The following NAF1 variants were observed in gnomAD, a reference collection of about 807,000 sequenced individuals.
NAF1 encodes the protein H/ACA ribonucleoprotein complex non-core subunit NAF1.
In NAF1, 11 loss-of-function variants were observed where a neutral mutation model predicts 40.6. That is an observed-to-expected ratio of 0.27 (90% CI 0.17 to 0.45). The LOEUF is 0.45. Among genes scored for constraint, NAF1 ranks in the 20% least tolerant of loss-of-function variants. NAF1 has a pLI of 1.00. For synonymous variants in NAF1, 260 were observed against 228.5 expected (o/e 1.14, Z -1.24); for missense variants, 607 against 611.1 (o/e 0.99, Z 0.07).
downstream of NAF1, among the ~76,000 whole-genome samples, chr4:163,127,655 T>A (rs1730704952): frequency 1.3e-5 from 2 of 152,132 alleles, no homozygotes; most frequent in Non-Finnish European, 2.9e-5. Flanking sequence ...TTAAAAATAA[T>A]GAAGAAAGTA....
At chr4:163,108,327 A>G (rs1730082438), downstream of NAF1, among the ~76,000 whole-genome samples, 2 of 152,236 alleles carry the variant, frequency 1.3e-5, no homozygotes, top group Non-Finnish European at 2.9e-5. Flanking sequence ...AGATCATGGC[A>G]TATGGTACAT....
At position 163,140,305 on chromosome 4, in the gene NAF1, C is replaced by T. The variant is rs1180162215; in HGVS notation, c.796G>A (p.Gly266Ser). 6.2e-7 allele frequency: 1 copy of T among 1,608,400 alleles called. No homozygotes were observed. Among genetic ancestry groups the T allele is most frequent in the African/African-American group, 1.3e-5 (1 of 74,640 alleles). Residue 266 changes from glycine to serine, a missense_variant, in exon 5 of 8, where the codon GGT becomes AGT. Coordinates refer to ENST00000274054, the MANE Select transcript of NAF1 (RefSeq NM_138386.3). ...TACATAGTCTCCTTTATTTTAATAC[C>T]TTTACTCTCAATGTGATCTGAAGAA... Reference protein sequence around the residue: ...FNSSDHIESKGIKIKETMYFA... With the variant: ...FNSSDHIESKSIKIKETMYFA...
chr4:163,109,378 A>T (rs943762402), downstream of NAF1, among the ~76,000 whole-genome samples: 1 of 152,124 alleles, frequency 6.6e-6, no homozygotes, highest in African/African-American at 2.4e-5. Flanking sequence ...TCATGATTAA[A>T]AACTAATATT....
intron 2 of NAF1, among the ~76,000 whole-genome samples, chr4:163,162,625 G>C (rs1205681857): frequency 6.6e-6 from 1 of 152,174 alleles, no homozygotes; most frequent in African/African-American, 2.4e-5. Context: ...TTTACTGTCT[G>C]TGTCTCTCCA....
chr4:163,166,466 C>T lies in NAF1; in HGVS notation c.262G>A (p.Glu88Lys), dbSNP rs759627286. The T allele has an allele frequency of 6.2e-7, 1 of 1,603,858 alleles. No homozygotes were observed. Among genetic ancestry groups the T allele is most frequent in the East Asian group, 2.2e-5 (1 of 44,612 alleles). ...ACGCAGTCTCCGCAGGCCGGCGATT[C>T]AGCCGGTGGCTGTGGCTGCGGCGCC... is the stretch of plus-strand genomic sequence containing the variant. ...TPAPQPQPPA[E>K]SPACGDCVTS... The change falls in exon 1 of 8, where the codon GAA (glutamate) becomes AAA (lysine). Residue 88 changes from glutamate to lysine, a missense_variant. Glu to Lys is a moderately conservative substitution (Grantham distance 56). Coordinates refer to ENST00000274054, the MANE Select transcript of NAF1 (RefSeq NM_138386.3).
intron 2 of NAF1, among the ~76,000 whole-genome samples, chr4:163,163,940 T>C (rs1383828201): frequency 6.6e-6 from 1 of 152,158 alleles, no homozygotes. Context: ...AGAAATATCT[T>C]CTTCTAGGGA....
chr4:163,138,043 T>A (rs144475770), intron 5 of NAF1, among the ~76,000 whole-genome samples: 1 of 152,270 alleles, frequency 6.6e-6, no homozygotes, highest in East Asian at 1.9e-4. Context: ...ATTTTGTTAT[T>A]CCATTATGTT....
chr4:163,138,457 TAAAGG>T (rs1220891866), intron 5 of NAF1, among the ~76,000 whole-genome samples: 3 of 151,946 alleles, frequency 2.0e-5, no homozygotes, highest in African/African-American at 7.2e-5. Context: ...CAAAATCTAC[TAAAGG>T]AAAGATCAAG....
chr4:163,116,077 C>T (rs530654679), intron 2 of NAF1, among the ~76,000 whole-genome samples: 1 of 152,244 alleles, frequency 6.6e-6, no homozygotes, highest in East Asian at 1.9e-4. Flanking sequence ...TAAGTTCTTG[C>T]TAAACTTATT....
In NAF1 at chr4:163,148,403, A is replaced by G. The variant is rs1439516431; in HGVS notation, c.572T>C (p.Ile191Thr). 1 of 1,586,266 alleles carries G rather than the reference A, an allele frequency of 6.3e-7. No homozygotes were observed. ...CTTTAACTCAATATCTTCAGGCAGA[A>G]TAATAGTGAGTTCTTCAACAGAAGG... is the stretch of plus-strand genomic sequence containing the variant. ...ELPSVEELTI[I>T]LPEDIELKPL... Residue 191 changes from isoleucine (I) to threonine (T), a missense_variant, in exon 3 of 8, where the codon ATT becomes ACT. By Grantham distance (89) the Ile-to-Thr change is moderately conservative. This residue lies in a region of NAF1 where 407 missense variants were observed against 365.5 expected (regional missense o/e 1.11). Coordinates refer to ENST00000274054, the MANE Select transcript of NAF1 (RefSeq NM_138386.3).
intron 2 of NAF1, chr4:163,119,779 A>C (rs1730462735): frequency 6.6e-6 from 1 of 152,222 alleles, no homozygotes; most frequent in Non-Finnish European, 1.5e-5. Flanking sequence ...TATGGAAAGT[A>C]ATATATTCCA....
At chr4:163,113,037 G>C (rs1359764383) in intron 2 of NAF1, among the ~76,000 whole-genome samples, 1 of 151,062 alleles carries the variant, frequency 6.6e-6, no homozygotes, top group Non-Finnish European at 1.5e-5. Context: ...GAGACAAGAA[G>C]AAAAATTGAG....
At chr4:163,146,259 T>C (rs1731465938) in intron 3 of NAF1, among the ~76,000 whole-genome samples, 1 of 152,218 alleles carries the variant, frequency 6.6e-6, no homozygotes, top group South Asian at 2.1e-4. Flanking sequence ...TTAAAAATTC[T>C]TTTCTACAAA....
chr4:163,105,660 T>C (rs151251980), downstream of NAF1, among the ~76,000 whole-genome samples: 1 of 152,198 alleles, frequency 6.6e-6, no homozygotes, highest in Non-Finnish European at 1.5e-5. Flanking sequence ...ATAAGCAAAA[T>C]TTCATCCCTA....
In NAF1 at chr4:163,166,583, C is replaced by T. The variant is rs779345351; in HGVS notation, c.145G>A (p.Gly49Arg). ...ACGGTCTGCCCAGCGTCCGGGGACC[C>T]CTCAAACGACTGTAGCGGCGGCTGT... Reference protein sequence around the residue: ...GTQPPLQSFEGSPDAGQTVEV... With the variant: ...GTQPPLQSFERSPDAGQTVEV... The change falls in exon 1 of 8, where the codon GGG (glycine) becomes AGG (arginine). Residue 49 changes from glycine (G) to arginine (R), a missense_variant. Around this residue, in one of 3 missense-constraint regions of NAF1, gnomAD observed 407 missense variants for 365.5 expected, o/e 1.11. Coordinates refer to ENST00000274054, the MANE Select transcript of NAF1 (RefSeq NM_138386.3). 2.5e-6 allele frequency: 4 copies of T among 1,610,788 alleles called. No homozygotes were observed. In the East Asian group the frequency reaches 8.9e-5, roughly 36 times the overall value.
intron 2 of NAF1, among the ~76,000 whole-genome samples, chr4:163,114,118 C>G (rs890441964): frequency 2.6e-5 from 4 of 152,162 alleles, no homozygotes; most frequent in African/African-American, 9.7e-5. Flanking sequence ...AACAGCATCA[C>G]TAATATGACA....
rs12505317 is a variant in NAF1, at chr4:163,163,967, G to A, written c.540+250C>T. On this transcript the variant is annotated intron_variant, in intron 2 of 7. Transcript: ENST00000274054. Reference sequence around the variant, plus strand: ...TTCTAGGGAATGTAAAAAATGTAAAGTTCAAAGCTGAAGTTGATGCCATAA... The same window carrying A: ...TTCTAGGGAATGTAAAAAATGTAAAATTCAAAGCTGAAGTTGATGCCATAA... Among the ~76,000 whole-genome samples, 1,056 of 151,840 alleles carry A rather than the reference G, an allele frequency of 7.0e-3. 32 individuals are homozygous for A. Among genetic ancestry groups the A allele is most frequent in the Admixed American group, 0.051 (780 of 15,248 alleles).
chr4:163,148,769 A>T (rs554838192), intron 2 of NAF1, among the ~76,000 whole-genome samples: 2 of 152,326 alleles, frequency 1.3e-5, no homozygotes, highest in Non-Finnish European at 2.9e-5. Context: ...AGGCAGAGAC[A>T]TTCCATTTGA....
chr4:163,138,204 T>C (rs1038497517), intron 5 of NAF1, among the ~76,000 whole-genome samples: 2 of 152,272 alleles, frequency 1.3e-5, no homozygotes, highest in South Asian at 2.1e-4. Context: ...ATGAAAGTTA[T>C]TAAGTTTGCT....
Sources: allele counts gnomAD v4.1 joint callset (sites outside exome capture counted in the v4.1 genomes callset), GRCh38; gene constraint gnomAD v4.1.1; regional missense constraint gnomAD v4.1.1; transcripts MANE v1.5; gene names NCBI Gene and HGNC (gene_info 2026-07-23, HGNC 2026-07-21).